The following TCIRG1 variants were observed in gnomAD, a reference collection of about 807,000 sequenced individuals.
TCIRG1 encodes the protein T cell immune regulator 1, ATPase H+ transporting V0 subunit a3.
In TCIRG1, 86 loss-of-function variants were observed where a neutral mutation model predicts 95.5. The ratio of observed to expected loss-of-function variants is 0.90; its 90% CI spans 0.76 to 1.08. TCIRG1 has a LOEUF of 1.08. Among genes scored for constraint, TCIRG1 ranks in the 50% least tolerant of loss-of-function variants. The probability of loss-of-function intolerance (pLI) is 0.00; values close to 1 mark genes in which losing one functional copy is unlikely to be tolerated. For synonymous variants in TCIRG1, 499 were observed against 501.3 expected (o/e 1.00, Z 0.06); for missense variants, 1,069 against 1,140.2 (o/e 0.94, Z 0.90).
At chr11:68,051,838 G>A (rs1855808079), downstream of TCIRG1, among the ~76,000 whole-genome samples, 1 of 152,210 alleles carries the variant, frequency 6.6e-6, no homozygotes, top group Admixed American at 6.5e-5. Flanking sequence ...GAGAGAGCTG[G>A]GCAGAGACTT....
At chr11:68,045,699 A>G (rs1229596236) in intron 10 of TCIRG1, among the ~76,000 whole-genome samples, 1 of 152,094 alleles carries the variant, frequency 6.6e-6, no homozygotes, top group Non-Finnish European at 1.5e-5. Flanking sequence ...GATTACAGGC[A>G]CGCACCACCA....
chr11:68,044,680 C>A, intron 9 of TCIRG1: 2 of 593,134 alleles, frequency 3.4e-6, no homozygotes, highest in Non-Finnish European at 6.0e-6. Context: ...TCACCCGCCG[C>A]GCACAGCAGG....
At chr11:68,047,366 C>A (rs1444729836) in intron 10 of TCIRG1, 67 bp from the exon 11 acceptor site, 1 of 1,536,604 alleles carries the variant, frequency 6.5e-7, no homozygotes, top group Non-Finnish European at 8.8e-7. Flanking sequence ...GCCTCCGTGG[C>A]GTCTTGGGCC....
chr11:68,041,637 C>T, intron 2 of TCIRG1, 116 bp from the exon 3 acceptor site: 1 of 894,848 alleles, frequency 1.1e-6, no homozygotes, highest in Non-Finnish European at 1.8e-6. Flanking sequence ...CCAGGGCACT[C>T]CACACCTTTC....
In TCIRG1 at chr11:68,044,193, C is replaced by T. The variant is rs886048596; in HGVS notation, c.869C>T (p.Pro290Leu). Residue 290 changes from proline to leucine, a missense_variant, in exon 9 of 20, where the codon CCG becomes CTG. By Grantham distance (98) the Pro-to-Leu change is moderately conservative. Coordinates refer to ENST00000265686, the MANE Select transcript of TCIRG1 (RefSeq NM_006019.4). ...CTAGGCCGGGTGCTGCAGCTGCTGC[C>T]GCCAGGGCAGGTGCAGGTCCACAAG... ...QVLGRVLQLL[P>L]PGQVQVHKMK... 7.7e-6 allele frequency: 12 copies of T among 1,558,330 alleles called. No individual in the cohort carries two copies. The highest frequency in any genetic ancestry group is 7.1e-5 in the East Asian group (3 of 42,130).
chr11:68,048,625 G>C lies in TCIRG1; in HGVS notation c.1555-254G>C, dbSNP rs72926470. Among the ~76,000 whole-genome samples, 12,063 of 152,238 alleles carry C rather than the reference G, an allele frequency of 0.079. 668 individuals are homozygous for C. The highest frequency in any genetic ancestry group is 0.14 in the East Asian group (734 of 5,158). On this transcript the variant is annotated intron_variant, in intron 13 of 19. Coordinates refer to ENST00000265686, the MANE Select transcript of TCIRG1 (RefSeq NM_006019.4). Reference sequence around the variant, plus strand: ...TCTATTTGAACCTCGTAACAACCCCGTGGGCCTCACATTAGTAGTGTCCTC... The same window carrying C: ...TCTATTTGAACCTCGTAACAACCCCCTGGGCCTCACATTAGTAGTGTCCTC...
chr11:68,040,755 G>A (rs1352669868), intron 1 of TCIRG1, among the ~76,000 whole-genome samples: 1 of 152,188 alleles, frequency 6.6e-6, no homozygotes, highest in Non-Finnish European at 1.5e-5. Context: ...CGGGCCTCAG[G>A]GGACAGCCCC....
At position 68,050,874 on chromosome 11, in the gene TCIRG1, A is replaced by ATAAAGACGGTCCGC. The variant is rs2134467448; in HGVS notation, c.*56_*69dup. Reference sequence around the variant, plus strand: ...TCCTGACCTCTGAGGCAGGAGAGGAATAAAGACGGTCCGCCCTGGCAGTGA... The same window carrying ATAAAGACGGTCCGC: ...TCCTGACCTCTGAGGCAGGAGAGGAATAAAGACGGTCCGCTAAAGACGGTCCGCCCTGGCAGTGA... On this transcript the variant is annotated 3_prime_UTR_variant, in exon 20 of 20. Transcript: ENST00000265686. 6.3e-7 allele frequency: 1 copy of ATAAAGACGGTCCGC among 1,579,282 alleles called. No individual in the cohort carries two copies. The highest frequency in any genetic ancestry group is 2.2e-5 in the East Asian group (1 of 44,710).
intron 3 of TCIRG1, 23 bp from the exon 4 acceptor site, chr11:68,042,620 C>A (rs772983335): frequency 5.2e-6 from 8 of 1,539,320 alleles, no homozygotes; most frequent in African/African-American, 1.4e-5. Flanking sequence ...AACTGCACCC[C>A]ACTCCCGTTC....
chr11:68,044,812 C>G (rs1235845350), intron 9 of TCIRG1, 146 bp from the exon 10 acceptor site: 1 of 1,017,774 alleles, frequency 9.8e-7, no homozygotes, highest in African/African-American at 1.6e-5. Flanking sequence ...CAGAGCAGGG[C>G]TGATCATCTC....
At position 68,042,788 on chromosome 11, in the gene TCIRG1, C is replaced by T. The variant is rs1452680052; in HGVS notation, c.342C>T (p.Asn114=). 6 of 1,548,214 alleles carry T rather than the reference C, an allele frequency of 3.9e-6. No individual in the cohort carries two copies. Among genetic ancestry groups the T allele is most frequent in the Non-Finnish European group, 5.2e-6 (6 of 1,146,450 alleles). The change falls in exon 4 of 20, where the codon AAC becomes AAT. Residue 114 remains asparagine (N), a synonymous_variant. Transcript: ENST00000265686. The part of the protein sequence containing the change: ...LAQELRDVRG[N]QQALRAQLHQ... The stretch of plus-strand genomic sequence containing the variant: ...AGGAGCTGCGGGATGTGCGGGGCAA[C>T]CAGCAGGCCCTGCGGGCCCAGCTGC...
At chr11:68,039,586 AG>A (rs1159113389) in intron 1 of TCIRG1, among the ~76,000 whole-genome samples, 1 of 152,110 alleles carries the variant, frequency 6.6e-6, no homozygotes, top group African/African-American at 2.4e-5. Flanking sequence ...GGGCCAGGAA[AG>A]GGGCACAGGG....
rs1855350700 is a variant in TCIRG1, at chr11:68,044,268, A to G, written c.944A>G (p.His315Arg). ...ALNQCSVSTT[H>R]KCLIAEAWCS... is the part of the protein sequence containing the mutation. Reference sequence around the variant, plus strand: ...AACCAGTGCAGCGTGAGCACCACGCACAAGTGCCTCATTGCCGAGGCCTGG... The same window carrying G: ...AACCAGTGCAGCGTGAGCACCACGCGCAAGTGCCTCATTGCCGAGGCCTGG... The change falls in exon 9 of 20, where the codon CAC becomes CGC. Residue 315 changes from histidine to arginine, a missense_variant. Coordinates refer to ENST00000265686, the MANE Select transcript of TCIRG1 (RefSeq NM_006019.4). The G allele has an allele frequency of 6.2e-7, 1 of 1,604,882 alleles. No individual in the cohort carries two copies. Among genetic ancestry groups the G allele is most frequent in the Non-Finnish European group, 8.5e-7 (1 of 1,177,200 alleles).
intron 10 of TCIRG1, chr11:68,047,107 T>A: frequency 5.3e-6 from 2 of 374,358 alleles, no homozygotes; most frequent in Non-Finnish European, 1.0e-5. Flanking sequence ...GCCTCCCGGG[T>A]TCAAATGATT....
intron 8 of TCIRG1, 57 bp downstream of exon 8, chr11:68,043,964 CGGAGGTGGGTGCA>C (rs1428684846): frequency 1.2e-5 from 17 of 1,421,198 alleles, no homozygotes; most frequent in South Asian, 9.8e-5. Flanking sequence ...CCCGGCCTCC[CGGAGGTGGGTGCA>C]GGAGGTGGGT....
rs1855036055 is a variant in TCIRG1, at chr11:68,039,041, G to C, written c.-83G>C. On this transcript the variant is annotated 5_prime_UTR_variant, in exon 1 of 20. Transcript: ENST00000265686. ...GCGGCGCCTAGTCCCGGGCTGGCGG[G>C]AGTGCAGTTCTGAGTCCCGCCCGGC... 6.6e-6 allele frequency: 1 copy of C among 152,280 alleles called. No homozygotes were observed. The highest frequency in any genetic ancestry group is 6.5e-5 in the Admixed American group (1 of 15,292). 9.4% of individuals were successfully genotyped at this position (152,280 alleles called of 1,614,324 possible).
chr11:68,043,025 G>C lies in TCIRG1; in HGVS notation c.497G>C (p.Arg166Thr), dbSNP rs370395754. 12 of 1,550,716 alleles carry C rather than the reference G, an allele frequency of 7.7e-6. No homozygotes were observed. In the African/African-American group the frequency reaches 1.6e-4, roughly 21 times the overall value. Residue 166 changes from arginine to threonine, a missense_variant, in exon 5 of 20, where the codon AGG becomes ACG. Coordinates refer to ENST00000265686, the MANE Select transcript of TCIRG1 (RefSeq NM_006019.4). ...QAPGGPHQDL[R>T]VNFVAGAVEP... is the part of the protein sequence containing the mutation. Reference sequence around the variant, plus strand: ...CCCGGGGGGCCGCACCAGGACCTGAGGGTCAAGTGAGTGAGGGATGACCTC... The same window carrying C: ...CCCGGGGGGCCGCACCAGGACCTGACGGTCAAGTGAGTGAGGGATGACCTC...
rs1205816098 is a variant in TCIRG1, at chr11:68,049,127, C to A, written c.1720C>A (p.Leu574Ile). Reference protein sequence around the residue: ...HRLLLETLPELTFLLGLFGYL... With the variant: ...HRLLLETLPEITFLLGLFGYL... ...GCTGCTGCTGGAGACGCTGCCGGAG[C>A]TCACCTTCCTGCTGGGACTCTTCGG... The change falls in exon 15 of 20, where the codon CTC (leucine) becomes ATC (isoleucine). Residue 574 changes from leucine (L) to isoleucine (I), a missense_variant. Coordinates refer to ENST00000265686, the MANE Select transcript of TCIRG1 (RefSeq NM_006019.4). 6.2e-7 allele frequency: 1 copy of A among 1,613,692 alleles called. No individual in the cohort carries two copies. Among genetic ancestry groups the A allele is most frequent in the Non-Finnish European group, 8.5e-7 (1 of 1,180,022 alleles).
rs751385531 is a variant in TCIRG1 at position 68,041,865 on chromosome 11, C to CT, written c.196+36dup. 5 of 1,567,594 alleles carry CT rather than the reference C, an allele frequency of 3.2e-6. No individual in the cohort carries two copies. In the Admixed American group the frequency reaches 9.1e-5, roughly 29 times the overall value. On this transcript the variant is annotated intron_variant, in intron 3 of 19. Coordinates refer to ENST00000265686, the MANE Select transcript of TCIRG1 (RefSeq NM_006019.4). ...GTCCCAGGCCTACATTCCAGGCAGGCTTCCTGGAGGAGGCATGGGCCAAGT... is the reference window on the plus strand; with the variant it reads ...GTCCCAGGCCTACATTCCAGGCAGGCTTTCCTGGAGGAGGCATGGGCCAAGT...
Sources: allele counts gnomAD v4.1 joint callset (sites outside exome capture counted in the v4.1 genomes callset), GRCh38; gene constraint gnomAD v4.1.1; transcripts MANE v1.5; gene names NCBI Gene and HGNC (gene_info 2026-07-23, HGNC 2026-07-21).